STX18: variants seen among roughly 807,000 people sequenced by gnomAD.
STX18 encodes the protein syntaxin-18.
Under a neutral mutation model 50.1 loss-of-function variants are expected in STX18, and 40 were observed. The observed-to-expected ratio is 0.80, with a 90% CI of 0.62 to 1.04. The LOEUF (loss-of-function observed/expected upper bound fraction) is 1.04. Among genes scored for constraint, STX18 ranks in the 50% least tolerant of loss-of-function variants. STX18 has a pLI of 0.00. For missense variants in STX18, 410 were observed against 415.8 expected, an observed-to-expected ratio of 0.99 and a Z score of 0.12; for synonymous variants, 158 against 151.8, an observed-to-expected ratio of 1.04 and a Z score of -0.30.
chr4:4,534,273 G>A (rs1277068669), intron 1 of STX18, among the ~76,000 whole-genome samples: 2 of 152,158 alleles, frequency 1.3e-5, no homozygotes, highest in African/African-American at 4.8e-5. Context: ...CAGTGTCCAT[G>A]GGCTCCTTGG....
In STX18 at chr4:4,508,724, G is replaced by A. The variant is rs552922496; in HGVS notation, c.168+33073C>T. On this transcript the variant is annotated intron_variant, in intron 1 of 10. Coordinates refer to ENST00000306200, the MANE Select transcript of STX18 (RefSeq NM_016930.4). Reference sequence around the variant, plus strand: ...TCTCCCTCTCCCTAGTCCCCACTTCGACAGTCCCCAGTGAGTGTTGCTCCC... The same window carrying A: ...TCTCCCTCTCCCTAGTCCCCACTTCAACAGTCCCCAGTGAGTGTTGCTCCC... Among the ~76,000 whole-genome samples, 7 of 151,978 alleles carry A rather than the reference G, an allele frequency of 4.6e-5. No homozygotes were observed. The South Asian group carries it at 1.2e-3, about 27-fold the overall frequency.
intron 1 of STX18, among the ~76,000 whole-genome samples, chr4:4,541,415 T>C (rs1731587064): frequency 6.6e-6 from 1 of 152,078 alleles, no homozygotes; most frequent in Non-Finnish European, 1.5e-5. Flanking sequence ...CAGGCAAATA[T>C]GGTGTGGTCA....
Position 4,507,163 on chromosome 4 carries a change from G to C in STX18, c.168+34634C>G, listed in dbSNP as rs563278106. The C allele has an allele frequency of 1.6e-4, 88 of 565,150 alleles. No individual in the cohort carries two copies. In the African/African-American group the frequency reaches 1.6e-3, roughly 10 times the overall value. The allele number at this position is 565,150 out of a possible 1,614,324, so 35.0% of individuals were successfully genotyped here. On this transcript the variant is annotated intron_variant, in intron 1 of 10. Transcript: ENST00000306200. ...AAAGAATGCTAGCAACACAGTACAAGACGGCATGACACTCCCTCTTGATGC... is the reference window on the plus strand; with the variant it reads ...AAAGAATGCTAGCAACACAGTACAACACGGCATGACACTCCCTCTTGATGC...
intron 1 of STX18, among the ~76,000 whole-genome samples, chr4:4,522,228 C>T (rs1014230415): frequency 1.3e-5 from 2 of 152,108 alleles, no homozygotes; most frequent in African/African-American, 4.8e-5. Context: ...GTAATCCACC[C>T]CATCATTTAA....
intron 1 of STX18, among the ~76,000 whole-genome samples, chr4:4,500,687 C>T (rs1373247868): frequency 6.6e-6 from 1 of 152,160 alleles, no homozygotes; most frequent in Non-Finnish European, 1.5e-5. Context: ...CATGTAATTA[C>T]AAATTCTTCT....
At chr4:4,468,345 T>G (rs1195782552) in intron 2 of STX18, among the ~76,000 whole-genome samples, 1 of 152,168 alleles carries the variant, frequency 6.6e-6, no homozygotes, top group Non-Finnish European at 1.5e-5. Context: ...AGGGGCTAAC[T>G]TGAAATAGAC....
chr4:4,494,315 C>A (rs147159659), intron 1 of STX18, among the ~76,000 whole-genome samples: 1 of 152,320 alleles, frequency 6.6e-6, no homozygotes, highest in African/African-American at 2.4e-5. Context: ...AATGAAGAGA[C>A]TGCATTCCCT....
Position 4,457,423 on chromosome 4 carries a change from T to C in STX18, c.430A>G (p.Arg144Gly). Residue 144 changes from arginine (R) to glycine (G), a missense_variant and splice_region_variant, in exon 4 of 11, where the codon AGA (arginine) becomes GGA (glycine). Physicochemically the swap from Arg to Gly is moderately radical, Grantham distance 125. Coordinates refer to ENST00000306200, the MANE Select transcript of STX18 (RefSeq NM_016930.4). ...VLDFIEDYLK[R>G]VCKLYSEQRA... ...TGACCTTTAAAAGAAAATGAAATAC[T>C]TTTCAAGTAATCTTCAATGAAATCC... 6.2e-7 allele frequency: 1 copy of C among 1,612,480 alleles called. No homozygotes were observed. The highest frequency in any genetic ancestry group is 8.5e-7 in the Non-Finnish European group (1 of 1,179,004).
intron 1 of STX18, among the ~76,000 whole-genome samples, chr4:4,487,853 T>C (rs1450026214): frequency 1.3e-5 from 2 of 152,206 alleles, no homozygotes; most frequent in African/African-American, 2.4e-5. Context: ...CAAAAAGAAC[T>C]ATGTCTTCTT....
At chr4:4,429,633 C>A (rs1725424272) in intron 7 of STX18, among the ~76,000 whole-genome samples, 1 of 152,188 alleles carries the variant, frequency 6.6e-6, no homozygotes, top group East Asian at 1.9e-4. Context: ...GCTGTGTGAC[C>A]CTCACCTCGA....
At chr4:4,532,921 T>A (rs1731167069) in intron 1 of STX18, among the ~76,000 whole-genome samples, 1 of 143,496 alleles carries the variant, frequency 7.0e-6, no homozygotes, top group African/African-American at 2.7e-5. Context: ...AATGTTACAA[T>A]ATTGTGAAAT....
rs561486108 is a variant in STX18 at position 4,473,514 on chromosome 4, C to G, written c.169-1808G>C. Among the ~76,000 whole-genome samples the G allele has an allele frequency of 5.3e-5, 8 of 152,068 alleles. No individual in the cohort carries two copies. The East Asian group carries it at 1.2e-3, about 22-fold the overall frequency. On this transcript the variant is annotated intron_variant, in intron 1 of 10. Transcript: ENST00000306200. ...TTCACCATGTTAGCCAGGATGGTCC[C>G]GATCTCCGGACCTCGCGATCCGCCC... is the stretch of plus-strand genomic sequence containing the variant.
At position 4,509,350 on chromosome 4, in the gene STX18, T is replaced by G. The variant is rs568567830; in HGVS notation, c.168+32447A>C. ...TTTTTTCATATGTTTGCTGGCTGCATGTATATCTTCTTTTGAGAAGTGTCT... is the reference window on the plus strand; with the variant it reads ...TTTTTTCATATGTTTGCTGGCTGCAGGTATATCTTCTTTTGAGAAGTGTCT... On this transcript the variant is annotated intron_variant, in intron 1 of 10. Coordinates refer to ENST00000306200, the MANE Select transcript of STX18 (RefSeq NM_016930.4). Among the ~76,000 whole-genome samples, 5 of 152,358 alleles carry G rather than the reference T, an allele frequency of 3.3e-5. No homozygotes were observed. In the East Asian group the frequency reaches 9.6e-4, roughly 29 times the overall value.
intron 1 of STX18, among the ~76,000 whole-genome samples, chr4:4,523,301 G>A (rs1193201070): frequency 6.6e-6 from 1 of 152,134 alleles, no homozygotes; most frequent in East Asian, 1.9e-4. Flanking sequence ...TCTTTTCCCA[G>A]GGACTACTCT....
At chr4:4,517,221 T>A (rs1730309369) in intron 1 of STX18, among the ~76,000 whole-genome samples, 1 of 152,182 alleles carries the variant, frequency 6.6e-6, no homozygotes, top group South Asian at 2.1e-4. Flanking sequence ...CATCATGACA[T>A]TAGGTGCTTC....
intron 1 of STX18, among the ~76,000 whole-genome samples, chr4:4,483,918 G>A (rs962235610): frequency 6.6e-6 from 1 of 152,020 alleles, no homozygotes; most frequent in Non-Finnish European, 1.5e-5. Context: ...CTGGAGTGCA[G>A]TGGCATGATC....
intron 5 of STX18, among the ~76,000 whole-genome samples, chr4:4,445,038 T>G (rs1384583700): frequency 6.6e-6 from 1 of 152,122 alleles, no homozygotes; most frequent in Non-Finnish European, 1.5e-5. Context: ...ATAAAAGGCA[T>G]AAAGATTAAA....
intron 7 of STX18, 83 bp from the exon 8 acceptor site, chr4:4,425,305 G>A: frequency 7.8e-7 from 1 of 1,276,330 alleles, no homozygotes; most frequent in Non-Finnish European, 1.1e-6. Context: ...TACGCTCCAG[G>A]AATCACTGCC....
At chr4:4,434,713 G>T in intron 7 of STX18, 57 bp downstream of exon 7, 2 of 1,448,208 alleles carry the variant, frequency 1.4e-6, no homozygotes, top group Non-Finnish European at 1.9e-6. Context: ...TCTCCTTAGT[G>T]AAACAGTCTT....
Sources: gnomAD v4.1 joint callset for allele counts (sites outside exome capture counted in the v4.1 genomes callset) on GRCh38, gnomAD v4.1.1 for gene constraint, MANE v1.5 for transcripts, NCBI Gene and HGNC (gene_info 2026-07-23, HGNC 2026-07-21) for gene names.